DOCK5: variants seen among roughly 807,000 people sequenced by gnomAD.
DOCK5 encodes dedicator of cytokinesis 5.
Under a neutral mutation model 251.8 loss-of-function variants are expected in DOCK5, and 142 were observed. The observed-to-expected ratio is 0.56, with a 90% CI of 0.49 to 0.65. The LOEUF is 0.65. Among genes scored for constraint, DOCK5 ranks in the 30% least tolerant of loss-of-function variants. The pLI, the probability that DOCK5 is intolerant of heterozygous loss-of-function variation, is 0.00. For synonymous variants in DOCK5, 842 were observed against 835.5 expected (o/e 1.01, Z -0.13); for missense variants, 2,111 against 2,312.3 (o/e 0.91, Z 1.79).
At chr8:25,188,923 T>C (rs1328616733) in intron 1 of DOCK5, among the ~76,000 whole-genome samples, 1 of 152,166 alleles carries the variant, frequency 6.6e-6, no homozygotes, top group Non-Finnish European at 1.5e-5. Context: ...AATAGTCTGA[T>C]TATAAAAACA....
chr8:25,387,189 T>TG (rs1289280123), intron 40 of DOCK5, among the ~76,000 whole-genome samples: 1 of 22,668 alleles, frequency 4.4e-5, no homozygotes, highest in East Asian at 1.1e-3. Flanking sequence ...CCAGTGACTT[T>TG]TTTTTTTTTT....
chr8:25,347,655 A>C (rs1036003704), intron 26 of DOCK5, among the ~76,000 whole-genome samples: 1 of 152,226 alleles, frequency 6.6e-6, no homozygotes, highest in Non-Finnish European at 1.5e-5. Context: ...GCCAGGGATC[A>C]GTGTTCTAGA....
chr8:25,291,731 T>G (rs1804492999), intron 5 of DOCK5, among the ~76,000 whole-genome samples: 1 of 149,358 alleles, frequency 6.7e-6, no homozygotes, highest in South Asian at 2.1e-4. Context: ...CTCAAGCTTA[T>G]AATCCCAGCA....
At chr8:25,402,276 C>T (rs1234844661) in intron 47 of DOCK5, among the ~76,000 whole-genome samples, 1 of 152,072 alleles carries the variant, frequency 6.6e-6, no homozygotes, top group Non-Finnish European at 1.5e-5. Flanking sequence ...TACAGGTGTG[C>T]TCCACCACAC....
chr8:25,226,537 G>A (rs1354081415), intron 1 of DOCK5, among the ~76,000 whole-genome samples: 1 of 151,820 alleles, frequency 6.6e-6, no homozygotes, highest in African/African-American at 2.4e-5. Flanking sequence ...ACAGGCGCAA[G>A]CCACCATGCC....
At chr8:25,306,621 A>G (rs550731914) in intron 11 of DOCK5, among the ~76,000 whole-genome samples, 3,518 of 152,008 alleles carry the variant, frequency 0.023, 126 homozygotes, top group African/African-American at 0.081. Flanking sequence ...ATGAACCTGG[A>G]AGGTGGAGCT....
intron 1 of DOCK5, among the ~76,000 whole-genome samples, chr8:25,196,274 C>T (rs1463711157): frequency 1.3e-5 from 2 of 152,114 alleles, no homozygotes; most frequent in African/African-American, 4.8e-5. Flanking sequence ...ATGTGGTGTA[C>T]AGAGTTTAGG....
chr8:25,333,580 T>G (rs1269842946), intron 20 of DOCK5, among the ~76,000 whole-genome samples: 3 of 152,184 alleles, frequency 2.0e-5, no homozygotes, highest in Non-Finnish European at 4.4e-5. Context: ...TTCTGACCCC[T>G]CTGTCTTAAA....
intron 5 of DOCK5, among the ~76,000 whole-genome samples, chr8:25,289,982 C>G (rs1461871861): frequency 6.6e-6 from 1 of 152,110 alleles, no homozygotes; most frequent in Non-Finnish European, 1.5e-5. Context: ...ACATCCTTCC[C>G]CTATATACGC....
At chr8:25,247,248 G>A (rs578122889) in intron 2 of DOCK5, among the ~76,000 whole-genome samples, 12 of 152,138 alleles carry the variant, frequency 7.9e-5, no homozygotes, top group Middle Eastern at 3.4e-3. Flanking sequence ...TGACCTCAGC[G>A]TATTTCTAAG....
intron 3 of DOCK5, among the ~76,000 whole-genome samples, chr8:25,272,527 CT>C (rs1422172683): frequency 6.6e-6 from 1 of 152,088 alleles, no homozygotes; most frequent in African/African-American, 2.4e-5. Context: ...GGTCCTTTAC[CT>C]TCTGATTTCA....
chr8:25,379,256 T>C (rs1219459041), intron 38 of DOCK5, among the ~76,000 whole-genome samples: 1 of 152,178 alleles, frequency 6.6e-6, no homozygotes, highest in Non-Finnish European at 1.5e-5. Context: ...GGAGACTGTT[T>C]ATTCTTCCTT....
intron 40 of DOCK5, among the ~76,000 whole-genome samples, chr8:25,386,430 A>AT (rs1801165470): frequency 6.6e-6 from 1 of 152,086 alleles, no homozygotes. Flanking sequence ...CCCCGTCTCT[A>AT]TAAAAAAATT....
chr8:25,231,015 C>CCCCA (rs1429904423), intron 1 of DOCK5, among the ~76,000 whole-genome samples: 1 of 152,074 alleles, frequency 6.6e-6, no homozygotes, highest in Admixed American at 6.6e-5. Flanking sequence ...GACACCTTGG[C>CCCCA]CCCACCCTGG....
At chr8:25,402,777 C>T (rs1801460762) in intron 47 of DOCK5, among the ~76,000 whole-genome samples, 1 of 152,132 alleles carries the variant, frequency 6.6e-6, no homozygotes, top group Admixed American at 6.5e-5. Context: ...CCCTTATTTT[C>T]ACATTATTTC....
chr8:25,370,717 G>T (rs1434669395), intron 34 of DOCK5, among the ~76,000 whole-genome samples: 1 of 151,112 alleles, frequency 6.6e-6, no homozygotes, highest in African/African-American at 2.4e-5. Context: ...GTGTTGCCAA[G>T]GCTGGTCTCG....
In DOCK5 at chr8:25,278,581, C is replaced by T. The variant is rs762820351; in HGVS notation, c.237C>T (p.Thr79=). 15 of 1,613,790 alleles carry T rather than the reference C, an allele frequency of 9.3e-6. No homozygotes were observed. The highest frequency in any genetic ancestry group is 1.6e-4 in the Middle Eastern group (1 of 6,084). ...ATVEDLGQHE[T]VIPGELPLVQ... is the part of the protein sequence containing the mutation. Reference sequence around the variant, plus strand: ...TGGTTCTTTGTAGGCAGCATGAAACCGTGATTCCTGGCGAGCTCCCCCTGG... The same window carrying T: ...TGGTTCTTTGTAGGCAGCATGAAACTGTGATTCCTGGCGAGCTCCCCCTGG... The change falls in exon 5 of 52, where the codon ACC becomes ACT. Residue 79 remains threonine, a synonymous_variant. Coordinates refer to ENST00000276440, the MANE Select transcript of DOCK5 (RefSeq NM_024940.8).
chr8:25,272,863 T>C (rs922483595), intron 3 of DOCK5, among the ~76,000 whole-genome samples: 1 of 152,138 alleles, frequency 6.6e-6, no homozygotes. Flanking sequence ...TAACTTCCTA[T>C]TGTTCCCTAT....
intron 1 of DOCK5, among the ~76,000 whole-genome samples, chr8:25,226,521 G>A (rs919736017): frequency 6.6e-6 from 1 of 151,736 alleles, no homozygotes; most frequent in Non-Finnish European, 1.5e-5. Flanking sequence ...GTCTAGGCCT[G>A]GGATTACAGG....
Sources: allele counts gnomAD v4.1 joint callset (sites outside exome capture counted in the v4.1 genomes callset), GRCh38; gene constraint gnomAD v4.1.1; transcripts MANE v1.5; gene names NCBI Gene and HGNC (gene_info 2026-07-23, HGNC 2026-07-21).